Variants in WDR7 observed in about 807,000 individuals in gnomAD.
The protein encoded by WDR7 is WD repeat domain 7, also known as WD repeat-containing protein 7.
In WDR7, 46 loss-of-function variants were observed where a neutral mutation model predicts 169.4. The ratio of observed to expected loss-of-function variants is 0.27; its 90% CI spans 0.21 to 0.35. The LOEUF (loss-of-function observed/expected upper bound fraction) is 0.35, where lower values mean the gene tolerates loss of function less well. Among genes scored for constraint, WDR7 ranks in the 10% least tolerant of loss-of-function variants. WDR7 has a pLI of 1.00. For missense variants in WDR7, 1,534 were observed against 1,859.3 expected (o/e 0.83, Z 3.22); for synonymous variants, 612 against 666.8 (o/e 0.92, Z 1.27).
intron 20 of WDR7, among the ~76,000 whole-genome samples, chr18:56,834,257 G>A (rs1267109571): frequency 1.3e-5 from 2 of 152,172 alleles, no homozygotes; most frequent in East Asian, 3.8e-4. Flanking sequence ...GCTGTACAAA[G>A]TAATCTTATT....
intron 25 of WDR7, among the ~76,000 whole-genome samples, chr18:56,957,746 A>G (rs887439617): frequency 4.6e-5 from 7 of 152,144 alleles, no homozygotes; most frequent in African/African-American, 1.7e-4. Flanking sequence ...TTTATTCCCT[A>G]TATTCTCTTT....
At chr18:56,712,587 G>A (rs1265097074) in intron 12 of WDR7, among the ~76,000 whole-genome samples, 5 of 152,036 alleles carry the variant, frequency 3.3e-5, no homozygotes, top group African/African-American at 1.2e-4. Flanking sequence ...CTTTTAATTG[G>A]CATTTGATGT....
At chr18:56,665,722 C>T (rs963514302) in intron 1 of WDR7, among the ~76,000 whole-genome samples, 1 of 151,422 alleles carries the variant, frequency 6.6e-6, no homozygotes, top group African/African-American at 2.5e-5. Flanking sequence ...GTATAATGCA[C>T]ACTCTTGCAC....
At chr18:56,858,750 ATATT>A (rs1490363168) in intron 20 of WDR7, among the ~76,000 whole-genome samples, 1 of 152,186 alleles carries the variant, frequency 6.6e-6, no homozygotes, top group Non-Finnish European at 1.5e-5. Context: ...AATTCAACAA[ATATT>A]TATTTAGCAT....
intron 20 of WDR7, among the ~76,000 whole-genome samples, chr18:56,828,325 G>A (rs556694906): frequency 1.7e-4 from 26 of 152,074 alleles, no homozygotes; most frequent in Non-Finnish European, 7.4e-5. Context: ...ATTATTTGAC[G>A]AAACAGACAT....
intron 21 of WDR7, among the ~76,000 whole-genome samples, chr18:56,904,963 A>G (rs2046456706): frequency 1.3e-5 from 2 of 152,192 alleles, no homozygotes; most frequent in South Asian, 4.1e-4. Flanking sequence ...CGTTACAAAC[A>G]TAAGAAGAAA....
intron 17 of WDR7, 101 bp downstream of exon 17, chr18:56,776,981 A>G (rs926527987): frequency 6.2e-6 from 7 of 1,135,204 alleles, no homozygotes; most frequent in Non-Finnish European, 9.2e-6. Context: ...TTTGTTATGT[A>G]TGAGATTCTA....
At chr18:56,986,245 G>T (rs962058503) in intron 26 of WDR7, among the ~76,000 whole-genome samples, 4 of 151,068 alleles carry the variant, frequency 2.6e-5, no homozygotes, top group Non-Finnish European at 5.9e-5. Flanking sequence ...CTGTAATACT[G>T]ATAGCGATAT....
At chr18:56,725,452 T>C (rs1294330416) in intron 13 of WDR7, among the ~76,000 whole-genome samples, 1 of 152,156 alleles carries the variant, frequency 6.6e-6, no homozygotes, top group Non-Finnish European at 1.5e-5. Context: ...AAATGTCTTC[T>C]TTTGAGAAGT....
At chr18:56,996,462 G>A (rs957645160) in intron 26 of WDR7, among the ~76,000 whole-genome samples, 3 of 152,122 alleles carry the variant, frequency 2.0e-5, no homozygotes, top group East Asian at 1.9e-4. Context: ...ACAGTATTAC[G>A]ACCAAATTTA....
chr18:56,965,048 A>G (rs1267813053), intron 26 of WDR7, among the ~76,000 whole-genome samples: 2 of 152,226 alleles, frequency 1.3e-5, no homozygotes, highest in Admixed American at 1.3e-4. Context: ...TCAAAGGATC[A>G]TTTTGAACTA....
intron 12 of WDR7, chr18:56,699,977 A>G: frequency 1.3e-6 from 1 of 745,112 alleles, no homozygotes; most frequent in Non-Finnish European, 1.6e-6. Flanking sequence ...ATATCTTTTT[A>G]TCTAAAAGTC....
At chr18:56,898,881 A>G (rs777885944) in intron 21 of WDR7, among the ~76,000 whole-genome samples, 3 of 152,168 alleles carry the variant, frequency 2.0e-5, no homozygotes, top group Non-Finnish European at 2.9e-5. Flanking sequence ...TACAATGGTT[A>G]TGTAAGTTGA....
At chr18:56,949,128 G>GTCTC (rs10537966) in intron 25 of WDR7, among the ~76,000 whole-genome samples, 6,200 of 143,472 alleles carry the variant, frequency 0.043, 150 homozygotes, top group Non-Finnish European at 0.059. Flanking sequence ...GTTTTCTAAA[G>GTCTC]TCTCTCTCTC....
intron 25 of WDR7, 47 bp downstream of exon 25, chr18:56,939,440 AAAT>A (rs2047004513): frequency 2.1e-6 from 3 of 1,435,496 alleles, no homozygotes. Context: ...TTTCAGTAAC[AAAT>A]AATTTTAAAA....
At chr18:56,872,501 C>T (rs75421801) in intron 20 of WDR7, among the ~76,000 whole-genome samples, 15 of 152,144 alleles carry the variant, frequency 9.9e-5, no homozygotes, top group Non-Finnish European at 1.8e-4. Context: ...AAGACAATTA[C>T]GTACATTTGA....
At chr18:56,792,025 T>G (rs918375144) in intron 19 of WDR7, among the ~76,000 whole-genome samples, 1 of 152,150 alleles carries the variant, frequency 6.6e-6, no homozygotes, top group Admixed American at 6.5e-5. Flanking sequence ...TCTTTTCTTT[T>G]TCTTTCTTTC....
chr18:56,807,933 A>G (rs1374585155), intron 19 of WDR7, among the ~76,000 whole-genome samples: 1 of 152,152 alleles, frequency 6.6e-6, no homozygotes, highest in East Asian at 1.9e-4. Flanking sequence ...AGACATCTAT[A>G]CTGTTAATTT....
chr18:56,702,332 G>T (rs1966459), intron 12 of WDR7, among the ~76,000 whole-genome samples: 139,557 of 152,242 alleles, frequency 0.92, 65,176 homozygotes, highest in East Asian at 1. Context: ...ACTTTTTCTT[G>T]TATTTCCACA....
Sources: gnomAD v4.1 joint callset for allele counts (sites outside exome capture counted in the v4.1 genomes callset) on GRCh38, gnomAD v4.1.1 for gene constraint, MANE v1.5 for transcripts, NCBI Gene and HGNC (gene_info 2026-07-23, HGNC 2026-07-21) for gene names.